Variants in SPINK8 observed in about 807,000 individuals in gnomAD.
SPINK8 encodes serine peptidase inhibitor Kazal type 8 (putative).
A neutral mutation model predicts 14.4 loss-of-function variants in SPINK8; 12 were observed. The observed-to-expected ratio is 0.83, with a 90% confidence interval of 0.53 to 1.35. The LOEUF is 1.35. Among genes scored for constraint, SPINK8 ranks in the 40% most tolerant of loss-of-function variants. SPINK8 has a pLI of 0.00. For missense variants in SPINK8, 103 were observed against 117.0 expected, an observed-to-expected ratio of 0.88 and a Z score of 0.55; for synonymous variants, 32 against 37.6, an observed-to-expected ratio of 0.85 and a Z score of 0.55.
chr3:48,325,583 C>A (rs2036127864), intron 4 of SPINK8, among the ~76,000 whole-genome samples: 1 of 148,976 alleles, frequency 6.7e-6, no homozygotes, highest in African/African-American at 2.5e-5. Flanking sequence ...CACCACCATG[C>A]CTGGCTAATT....
At chr3:48,307,368 C>T (rs2035862072) in intron 7 of SPINK8, among the ~76,000 whole-genome samples, 1 of 151,094 alleles carries the variant, frequency 6.6e-6, no homozygotes, top group Non-Finnish European at 1.5e-5. Flanking sequence ...CCCCTCTTTT[C>T]CCTTTCCTTT....
intron 4 of SPINK8, among the ~76,000 whole-genome samples, chr3:48,326,692 C>T (rs527602968): frequency 1.3e-5 from 2 of 152,026 alleles, no homozygotes; most frequent in Admixed American, 6.6e-5. Flanking sequence ...ATGGATCATT[C>T]GAGGTCAGGT....
At chr3:48,331,539 T>A (rs989809974) in intron 2 of SPINK8, among the ~76,000 whole-genome samples, 8 of 152,224 alleles carry the variant, frequency 5.3e-5, no homozygotes, top group African/African-American at 1.9e-4. Flanking sequence ...AAGTTAGGAA[T>A]TCTCTTTCTC....
Position 48,322,204 on chromosome 3 carries a change from TCA to T in SPINK8, c.68-1132_68-1131del, listed in dbSNP as rs772599440. On this transcript the variant is annotated intron_variant, in intron 4 of 7. Coordinates refer to ENST00000434006, the MANE Select transcript of SPINK8 (RefSeq NM_001080525.3). ...TACAGTTTGATGGTTTTTAGTATATTCACAGTTATGCCATCATCACCTCAAAA... is the reference window on the plus strand; with the variant it reads ...TACAGTTTGATGGTTTTTAGTATATTCAGTTATGCCATCATCACCTCAAAA... 7.0e-4 allele frequency among the ~76,000 whole-genome samples: 107 copies of T among 152,220 alleles called. No individual in the cohort carries two copies. In the Middle Eastern group the frequency reaches 0.01, roughly 15 times the overall value.
chr3:48,321,464 T>A (rs566008048), intron 4 of SPINK8, among the ~76,000 whole-genome samples: 1 of 151,384 alleles, frequency 6.6e-6, no homozygotes, highest in Non-Finnish European at 1.5e-5. Flanking sequence ...CATATGTATA[T>A]AAAATTTTAT....
chr3:48,331,974 G>T (rs2036270118), intron 2 of SPINK8, among the ~76,000 whole-genome samples: 1 of 152,220 alleles, frequency 6.6e-6, no homozygotes, highest in South Asian at 2.1e-4. Flanking sequence ...TGGATCATCT[G>T]GTTAGTGGCT....
chr3:48,331,396 G>A (rs553295838), intron 2 of SPINK8, among the ~76,000 whole-genome samples: 3 of 152,174 alleles, frequency 2.0e-5, no homozygotes, highest in Admixed American at 6.5e-5. Flanking sequence ...TCTGCTTGGC[G>A]GTTCCCTTTC....
intron 7 of SPINK8, among the ~76,000 whole-genome samples, chr3:48,308,596 A>G (rs751973833): frequency 5.7e-4 from 86 of 152,206 alleles, no homozygotes; most frequent in Non-Finnish European, 6.8e-4. Flanking sequence ...CTGTATTTGG[A>G]TGCCGCACAA....
chr3:48,308,425 T>C (rs566502821), intron 7 of SPINK8, among the ~76,000 whole-genome samples: 2 of 152,336 alleles, frequency 1.3e-5, no homozygotes, highest in African/African-American at 4.8e-5. Context: ...TGGTCTCCTA[T>C]AGTTAACTTT....
intron 4 of SPINK8, among the ~76,000 whole-genome samples, chr3:48,321,634 T>C (rs1424798564): frequency 1.3e-5 from 2 of 151,752 alleles, no homozygotes; most frequent in South Asian, 4.2e-4. Context: ...GCCAACATGG[T>C]GAAACCCTGT....
intron 6 of SPINK8, among the ~76,000 whole-genome samples, chr3:48,317,940 C>T (rs971950071): frequency 2.0e-5 from 3 of 151,932 alleles, no homozygotes; most frequent in African/African-American, 4.8e-5. Flanking sequence ...GTCAGGGTCT[C>T]GCTATGTTGC....
At chr3:48,314,891 A>G (rs1410256662) in intron 6 of SPINK8, among the ~76,000 whole-genome samples, 1 of 152,238 alleles carries the variant, frequency 6.6e-6, no homozygotes, top group Non-Finnish European at 1.5e-5. Flanking sequence ...CTGCATGCTC[A>G]GAAAAGACCA....
Position 48,332,387 on chromosome 3 carries a change from C to G in SPINK8, c.-157G>C, listed in dbSNP as rs1485648613. Reference sequence around the variant, plus strand: ...TTACCCTTTAAGATTAGTTGGCCTTCAATAGATCCAGATGACAGAGAGGTA... The same window carrying G: ...TTACCCTTTAAGATTAGTTGGCCTTGAATAGATCCAGATGACAGAGAGGTA... On this transcript the variant is annotated 5_prime_UTR_variant, in exon 2 of 8. Transcript: ENST00000434006. Among the ~76,000 whole-genome samples, 1 of 152,210 alleles carries G rather than the reference C, an allele frequency of 6.6e-6. No individual in the cohort carries two copies. The highest frequency in any genetic ancestry group is 1.5e-5 in the Non-Finnish European group (1 of 68,032).
At chr3:48,319,813 C>T (rs2036046821) in intron 5 of SPINK8, among the ~76,000 whole-genome samples, 195 bp from the exon 6 acceptor site, 1 of 152,128 alleles carries the variant, frequency 6.6e-6, no homozygotes, top group Admixed American at 6.5e-5. Flanking sequence ...AATATATAAT[C>T]TGTGCACTCT....
intron 4 of SPINK8, among the ~76,000 whole-genome samples, chr3:48,321,845 C>T (rs2036080552): frequency 6.6e-6 from 1 of 151,714 alleles, no homozygotes; most frequent in Non-Finnish European, 1.5e-5. Context: ...CAGAGTCTTG[C>T]TCTGTCACCC....
intron 5 of SPINK8, 90 bp from the exon 6 acceptor site, chr3:48,319,708 C>G (rs2036044831): frequency 6.5e-7 from 1 of 1,545,370 alleles, no homozygotes. Context: ...GGATGGAATA[C>G]GAGCACCAGA....
chr3:48,333,455 C>T (rs1461738845), intron 1 of SPINK8, among the ~76,000 whole-genome samples, 80 bp downstream of exon 1: 1 of 152,168 alleles, frequency 6.6e-6, no homozygotes, highest in Non-Finnish European at 1.5e-5. Context: ...CTAGAGCGTC[C>T]TCTGTGGTCC....
chr3:48,320,631 G>A (rs112948211), intron 5 of SPINK8, among the ~76,000 whole-genome samples: 1,591 of 152,254 alleles, frequency 0.01, 15 homozygotes, highest in Non-Finnish European at 0.014. Flanking sequence ...CAGGTTGAAG[G>A]CACCAAAGGA....
chr3:48,332,208 G>A (rs2036275170), intron 2 of SPINK8, among the ~76,000 whole-genome samples, 158 bp downstream of exon 2: 1 of 152,176 alleles, frequency 6.6e-6, no homozygotes, highest in Non-Finnish European at 1.5e-5. Flanking sequence ...CATGACTAAA[G>A]CGGTGGCCTT....
Sources: gnomAD v4.1 joint callset for allele counts (sites outside exome capture counted in the v4.1 genomes callset) on GRCh38, gnomAD v4.1.1 for gene constraint, MANE v1.5 for transcripts, NCBI Gene and HGNC (gene_info 2026-07-23, HGNC 2026-07-21) for gene names.